The following MAOB variants were observed in gnomAD, a reference collection of about 807,000 sequenced individuals.
MAOB encodes the protein amine oxidase [flavin-containing] B.
Under a neutral mutation model 41.9 loss-of-function variants are expected in MAOB, and 15 were observed. That is an observed-to-expected ratio of 0.36 (90% confidence interval 0.24 to 0.55). The LOEUF is 0.55. MAOB is among the 20% of genes least tolerant of loss of function. The probability of loss-of-function intolerance (pLI) is 0.86; values close to 1 mark genes in which losing one functional copy is unlikely to be tolerated. For synonymous variants in MAOB, 167 were observed against 144.2 expected, an observed-to-expected ratio of 1.16 and a Z score of -1.13; for missense variants, 345 against 398.7, an observed-to-expected ratio of 0.87 and a Z score of 1.15.
At chrX:43,845,321 C>T (rs2035187644) in intron 1 of MAOB, among the ~76,000 whole-genome samples, 1 of 111,732 alleles carries the variant, frequency 8.9e-6, no homozygotes, top group African/African-American at 3.3e-5. Flanking sequence ...TAAATAAAAC[C>T]GCTTCTATCT....
At chrX:43,782,664 CA>C (rs2034348975) in intron 8 of MAOB, among the ~76,000 whole-genome samples, 1 of 111,423 alleles carries the variant, frequency 9.0e-6, no homozygotes, top group Admixed American at 9.6e-5. Context: ...ATCCTGATAC[CA>C]AAGCCTGGCA....
At chrX:43,772,997 C>A (rs772467535) in intron 12 of MAOB, among the ~76,000 whole-genome samples, 14 of 112,134 alleles carry the variant, frequency 1.2e-4, no homozygotes, top group Non-Finnish European at 2.1e-4. Context: ...GCCAATTAAA[C>A]CTTTTTTCTT....
intron 5 of MAOB, among the ~76,000 whole-genome samples, chrX:43,799,973 A>T (rs1368942293): frequency 8.9e-6 from 1 of 112,004 alleles, no homozygotes; most frequent in African/African-American, 3.2e-5. Context: ...AACTGAAAGA[A>T]TAATCAACAT....
chrX:43,854,138 C>T (rs2035273009), intron 1 of MAOB, among the ~76,000 whole-genome samples: 1 of 111,914 alleles, frequency 8.9e-6, no homozygotes, highest in South Asian at 3.8e-4. Flanking sequence ...GAGGGAGTTC[C>T]TAGCAGAAGC....
At position 43,793,658 on chromosome X, in the gene MAOB, G is replaced by A. The variant is rs748558334; in HGVS notation, c.769-80C>T. Reference sequence around the variant, plus strand: ...CCCAATGATTCTCTCTCATTCTATCGTTATATTCTTTTCAGTCTCTTAAAG... The same window carrying A: ...CCCAATGATTCTCTCTCATTCTATCATTATATTCTTTTCAGTCTCTTAAAG... On this transcript the variant is annotated intron_variant, in intron 7 of 14. Coordinates refer to ENST00000378069, the MANE Select transcript of MAOB (RefSeq NM_000898.5). 6.8e-4 allele frequency: 559 copies of A among 825,969 alleles called. 2 individuals carry two copies. Among genetic ancestry groups the A allele is most frequent in the Middle Eastern group, 2.3e-3 (8 of 3,478 alleles). The allele number at this position is 825,969 out of a possible 1,213,427, so 68.1% of individuals were successfully genotyped here.
chrX:43,853,300 C>T (rs1602027335), intron 1 of MAOB, among the ~76,000 whole-genome samples: 1 of 94,332 alleles, frequency 1.1e-5, no homozygotes, highest in South Asian at 4.8e-4. Context: ...GAAAAGAAAA[C>T]GATGAAATGA....
chrX:43,825,070 T>C (rs757794927), intron 3 of MAOB, among the ~76,000 whole-genome samples: 13 of 112,830 alleles, frequency 1.2e-4, no homozygotes, highest in Non-Finnish European at 2.2e-4. Flanking sequence ...TGTTGGAGTC[T>C]GTGCGTACTG....
chrX:43,876,465 A>C (rs190545265), intron 1 of MAOB, among the ~76,000 whole-genome samples: 1 of 111,494 alleles, frequency 9.0e-6, no homozygotes, highest in Non-Finnish European at 1.9e-5. Flanking sequence ...AATTACAGAA[A>C]ATGGAAAAAA....
At chrX:43,813,594 GT>G (rs1333699081) in intron 3 of MAOB, among the ~76,000 whole-genome samples, 1 of 112,314 alleles carries the variant, frequency 8.9e-6, no homozygotes, top group African/African-American at 3.2e-5. Context: ...TTACAAACTA[GT>G]TAGAAGCTAA....
chrX:43,769,737 T>G (rs779132210), intron 12 of MAOB, among the ~76,000 whole-genome samples: 1 of 111,697 alleles, frequency 9.0e-6, no homozygotes, highest in African/African-American at 3.3e-5. Context: ...GCTCCCTTTA[T>G]GGCTCACTGG....
intron 2 of MAOB, among the ~76,000 whole-genome samples, chrX:43,841,191 T>C (rs2035133244): frequency 8.9e-6 from 1 of 111,735 alleles, no homozygotes; most frequent in African/African-American, 3.3e-5. Context: ...ATTATTCAGA[T>C]CTTGAATGTA....
intron 11 of MAOB, 133 bp from the exon 12 acceptor site, chrX:43,775,405 G>A (rs2034242719): frequency 2.0e-6 from 2 of 1,008,287 alleles, no homozygotes; most frequent in Admixed American, 4.7e-5. Context: ...TTATCCTGAT[G>A]TTTTTAAAGA....
At chrX:43,841,258 T>C (rs1384355260) in intron 2 of MAOB, among the ~76,000 whole-genome samples, 1 of 111,282 alleles carries the variant, frequency 9.0e-6, no homozygotes, top group Non-Finnish European at 1.9e-5. Flanking sequence ...TGTGTTTAAA[T>C]AGAAAATCAT....
At chrX:43,839,930 C>T (rs955486634) in intron 2 of MAOB, among the ~76,000 whole-genome samples, 6 of 111,990 alleles carry the variant, frequency 5.4e-5, no homozygotes, top group South Asian at 3.7e-4. Context: ...CCTTGTAAAG[C>T]AACATATAAT....
intron 12 of MAOB, among the ~76,000 whole-genome samples, chrX:43,771,522 T>C (rs1475521130): frequency 9.0e-6 from 1 of 111,400 alleles, no homozygotes; most frequent in Non-Finnish European, 1.9e-5. Context: ...TGACAACACA[T>C]GAAATATATA....
At chrX:43,820,639 G>C (rs1002237443) in intron 3 of MAOB, among the ~76,000 whole-genome samples, 1 of 112,184 alleles carries the variant, frequency 8.9e-6, no homozygotes. Context: ...TACCAGAGGT[G>C]AGAGCACAGC....
intron 11 of MAOB, among the ~76,000 whole-genome samples, chrX:43,775,527 G>T (rs984394084): frequency 9.0e-6 from 1 of 111,474 alleles, no homozygotes; most frequent in African/African-American, 3.3e-5. Context: ...CATAAATTGC[G>T]ATAATCTAAT....
rs191894874 is a variant in MAOB at position 43,829,896 on chromosome X, C to A, written c.279+8972G>T. Reference sequence around the variant, plus strand: ...GCTATCCAATACAGTAGCCACTCACCAGGCTATTGAGCACTGTGTGCCTGG... The same window carrying A: ...GCTATCCAATACAGTAGCCACTCACAAGGCTATTGAGCACTGTGTGCCTGG... On this transcript the variant is annotated intron_variant, in intron 3 of 14. Transcript: ENST00000378069. 3.1e-3 allele frequency among the ~76,000 whole-genome samples: 351 copies of A among 111,841 alleles called. 1 individual carries two copies. Among genetic ancestry groups the A allele is most frequent in the African/African-American group, 0.011 (331 of 30,837 alleles).
At chrX:43,857,116 TAGAGAGAGAGAGAGAGAGAGAGAGAGAG>T (rs1163831661) in intron 1 of MAOB, among the ~76,000 whole-genome samples, 1 of 11,356 alleles carries the variant, frequency 8.8e-5, no homozygotes, top group South Asian at 0.015. Flanking sequence ...TATATATATA[TAGAGAGAGAGAGAGAGAGAGAGAGAGAG>T]AGAGAGAGAG....
Sources: allele counts gnomAD v4.1 joint callset (sites outside exome capture counted in the v4.1 genomes callset), GRCh38; gene constraint gnomAD v4.1.1; transcripts MANE v1.5; gene names NCBI Gene and HGNC (gene_info 2026-07-23, HGNC 2026-07-21).